The following CDH13 variants were observed in gnomAD, a reference collection of about 807,000 sequenced individuals.
The protein encoded by CDH13 is cadherin-13.
Under a neutral mutation model 63.8 loss-of-function variants are expected in CDH13, and 24 were observed. That is an observed-to-expected ratio of 0.38 (90% CI 0.27 to 0.53). CDH13 has a LOEUF of 0.53. Among genes scored for constraint, CDH13 ranks in the 20% least tolerant of loss-of-function variants. CDH13 has a pLI of 0.85. For missense variants in CDH13, 1,049 were observed against 903.1 expected (o/e 1.16, Z -2.07); for synonymous variants, 503 against 355.3 (o/e 1.42, Z -4.67).
At chr16:83,002,406 C>G (rs1913032728) in intron 2 of CDH13, among the ~76,000 whole-genome samples, 1 of 152,142 alleles carries the variant, frequency 6.6e-6, no homozygotes, top group Non-Finnish European at 1.5e-5. Flanking sequence ...TCCTCTAGAA[C>G]CTATGGAGGA....
At chr16:83,153,516 G>A (rs116760665) in intron 4 of CDH13, among the ~76,000 whole-genome samples, 3,733 of 152,264 alleles carry the variant, frequency 0.025, 139 homozygotes, top group African/African-American at 0.084. Flanking sequence ...GGAAAGGGCT[G>A]TTATCACCTT....
In CDH13 at chr16:83,032,118, C is replaced by A. The variant is rs893119452; in HGVS notation, c.266C>A (p.Ala89Glu). Residue 89 changes from alanine (A) to glutamate (E), a missense_variant, in exon 3 of 14, where the codon GCA becomes GAA. Coordinates refer to ENST00000567109, the MANE Select transcript of CDH13 (RefSeq NM_001257.5). ...TTAGTTGCTCTGAGAAACATAACTG[C>A]AGTGGGCAAAACTCTGTTCGTCCAT... Reference protein sequence around the residue: ...GGLVALRNITAVGKTLFVHAR... With the variant: ...GGLVALRNITEVGKTLFVHAR... 6.2e-7 allele frequency: 1 copy of A among 1,613,366 alleles called. No individual in the cohort carries two copies. The highest frequency in any genetic ancestry group is 2.2e-5 in the East Asian group (1 of 44,790).
chr16:83,003,985 G>A (rs1913211074), intron 2 of CDH13, among the ~76,000 whole-genome samples: 2 of 152,182 alleles, frequency 1.3e-5, no homozygotes. Context: ...CAAAGGAAGA[G>A]GTAGGAGAAT....
chr16:83,586,428 C>A (rs1906164124), intron 7 of CDH13, among the ~76,000 whole-genome samples: 1 of 152,174 alleles, frequency 6.6e-6, no homozygotes, highest in South Asian at 2.1e-4. Flanking sequence ...AGGAGCCCTC[C>A]AAGGGCTTGT....
At chr16:83,543,314 G>A (rs1319333850) in intron 7 of CDH13, among the ~76,000 whole-genome samples, 2 of 152,216 alleles carry the variant, frequency 1.3e-5, no homozygotes, top group African/African-American at 2.4e-5. Context: ...AACAACCTTA[G>A]TGGGCCTTCA....
chr16:83,084,648 G>A (rs558246262), intron 3 of CDH13, among the ~76,000 whole-genome samples: 4 of 152,218 alleles, frequency 2.6e-5, no homozygotes, highest in African/African-American at 7.2e-5. Context: ...CAACACATCC[G>A]GAGGCTGAGG....
At chr16:83,680,115 G>A (rs565628623) in intron 10 of CDH13, among the ~76,000 whole-genome samples, 2 of 152,338 alleles carry the variant, frequency 1.3e-5, no homozygotes, top group East Asian at 3.9e-4. Flanking sequence ...GAACCCGCTC[G>A]AGATAGCACA....
At chr16:83,688,911 A>C (rs1008372174) in intron 10 of CDH13, among the ~76,000 whole-genome samples, 3 of 152,198 alleles carry the variant, frequency 2.0e-5, no homozygotes, top group Non-Finnish European at 4.4e-5. Context: ...TTAAAGTTTT[A>C]AGGGCTTCAC....
intron 8 of CDH13, among the ~76,000 whole-genome samples, chr16:83,654,498 C>T (rs996539032): frequency 5.3e-5 from 8 of 151,976 alleles, no homozygotes; most frequent in African/African-American, 1.2e-4. Context: ...TGCAAGATGT[C>T]GGGATCAGGG....
chr16:82,756,079 G>T (rs985000393), intron 1 of CDH13, among the ~76,000 whole-genome samples: 1 of 152,190 alleles, frequency 6.6e-6, no homozygotes, highest in Non-Finnish European at 1.5e-5. Flanking sequence ...CACAAGATCA[G>T]TGTTCAATAT....
At chr16:83,384,190 C>A (rs1312151218) in intron 6 of CDH13, among the ~76,000 whole-genome samples, 3 of 152,106 alleles carry the variant, frequency 2.0e-5, no homozygotes, top group Non-Finnish European at 4.4e-5. Flanking sequence ...TTATCAATAC[C>A]TTCTGCAACA....
In CDH13 at chr16:82,876,943, C is replaced by T. The variant is rs554000697; in HGVS notation, c.157+18470C>T. 5.3e-4 allele frequency among the ~76,000 whole-genome samples: 81 copies of T among 152,270 alleles called. 1 individual carries two copies. The highest frequency in any genetic ancestry group is 1.7e-3 in the African/African-American group (69 of 41,554). ...ACTATCTCAAGCGTCATTTAGGCTC[C>T]CCCATTTCAAGCATGCACCCAAACA... On this transcript the variant is annotated intron_variant, in intron 2 of 13. Transcript: ENST00000567109.
intron 1 of CDH13, among the ~76,000 whole-genome samples, chr16:82,760,901 AACTC>A (rs1334290374): frequency 6.6e-6 from 1 of 151,428 alleles, no homozygotes; most frequent in Non-Finnish European, 1.5e-5. Flanking sequence ...ATAGAGGGAG[AACTC>A]ACTCATGATC....
At chr16:83,025,544 A>T (rs1463913068) in intron 2 of CDH13, among the ~76,000 whole-genome samples, 2 of 152,162 alleles carry the variant, frequency 1.3e-5, no homozygotes, top group East Asian at 3.9e-4. Context: ...CCTGTGATTA[A>T]ATTACCTCCC....
chr16:83,444,194 CAAT>C (rs1276082494), intron 6 of CDH13, among the ~76,000 whole-genome samples: 4 of 151,926 alleles, frequency 2.6e-5, no homozygotes, highest in African/African-American at 4.8e-5. Context: ...ACAGTGATGA[CAAT>C]GATGATGATG....
At chr16:83,637,112 G>C (rs942709899) in intron 8 of CDH13, among the ~76,000 whole-genome samples, 2 of 152,102 alleles carry the variant, frequency 1.3e-5, no homozygotes, top group Admixed American at 6.5e-5. Context: ...GTTATTTGTA[G>C]AAAACCATTT....
At chr16:82,882,488 C>T (rs969361471) in intron 2 of CDH13, among the ~76,000 whole-genome samples, 2 of 152,200 alleles carry the variant, frequency 1.3e-5, no homozygotes, top group Non-Finnish European at 2.9e-5. Context: ...GCAAGCTAAC[C>T]AGCTGTGAAC....
At chr16:83,699,117 A>G (rs974225003) in intron 10 of CDH13, among the ~76,000 whole-genome samples, 1 of 152,230 alleles carries the variant, frequency 6.6e-6, no homozygotes, top group Non-Finnish European at 1.5e-5. Context: ...GCCCTCGGCC[A>G]ATGTTTGCTA....
At chr16:82,834,458 T>C (rs750831908) in intron 1 of CDH13, among the ~76,000 whole-genome samples, 22 of 151,870 alleles carry the variant, frequency 1.4e-4, no homozygotes, top group Non-Finnish European at 2.9e-4. Context: ...CATAAGAAAG[T>C]TTCCCCCTCT....
Sources: gnomAD v4.1 joint callset for allele counts (sites outside exome capture counted in the v4.1 genomes callset) on GRCh38, gnomAD v4.1.1 for gene constraint, MANE v1.5 for transcripts, NCBI Gene and HGNC (gene_info 2026-07-23, HGNC 2026-07-21) for gene names.